Variants in DDAH1 observed in about 807,000 individuals in gnomAD.
DDAH1 encodes dimethylarginine dimethylaminohydrolase 1.
A neutral mutation model predicts 28.8 loss-of-function variants in DDAH1; 19 were observed. The ratio of observed to expected loss-of-function variants is 0.66; its 90% CI spans 0.46 to 0.97. The LOEUF is 0.97. Among genes scored for constraint, DDAH1 ranks in the 50% least tolerant of loss-of-function variants. The probability of loss-of-function intolerance (pLI) is 0.00; values close to 1 mark genes in which losing one functional copy is unlikely to be tolerated. For synonymous variants in DDAH1, 153 were observed against 154.4 expected (o/e 0.99, Z 0.07); for missense variants, 326 against 375.9 (o/e 0.87, Z 1.10).
At chr1:85,358,934 C>A in intron 1 of DDAH1, 87 bp from the exon 2 acceptor site, 1 of 920,604 alleles carries the variant, frequency 1.1e-6, no homozygotes, top group Non-Finnish European at 1.7e-6. Flanking sequence ...CTAAATCAAG[C>A]TCTCGTGCAC....
At chr1:85,435,002 C>T (rs1653869370) in intron 1 of DDAH1, among the ~76,000 whole-genome samples, 1 of 151,994 alleles carries the variant, frequency 6.6e-6, no homozygotes, top group African/African-American at 2.4e-5. Flanking sequence ...TTTTATGTCT[C>T]TAAGTTTTAC....
intron 1 of DDAH1, among the ~76,000 whole-genome samples, chr1:85,376,519 A>T (rs1013482985): frequency 6.6e-6 from 1 of 152,166 alleles, no homozygotes; most frequent in Non-Finnish European, 1.5e-5. Context: ...TCAGGGTACT[A>T]AACGCTTGCC....
intron 1 of DDAH1, among the ~76,000 whole-genome samples, chr1:85,461,653 G>T (rs1570574453): frequency 6.6e-6 from 1 of 152,182 alleles, no homozygotes; most frequent in African/African-American, 2.4e-5. Context: ...CTAAAATAAT[G>T]AGAACACTTG....
intron 1 of DDAH1, among the ~76,000 whole-genome samples, chr1:85,516,308 G>T (rs1264995923): frequency 2.7e-5 from 4 of 147,360 alleles, no homozygotes; most frequent in Admixed American, 6.8e-5. Context: ...CTCATTTCTA[G>T]CTGGACAAAG....
At chr1:85,450,746 C>T (rs1654636054) in intron 1 of DDAH1, among the ~76,000 whole-genome samples, 1 of 152,164 alleles carries the variant, frequency 6.6e-6, no homozygotes, top group African/African-American at 2.4e-5. Context: ...AACTGAGACT[C>T]AATTCCAGGT....
Position 85,350,435 on chromosome 1 carries a change from A to G in DDAH1, c.577T>C (p.Ser193Pro), listed in dbSNP as rs1649133291. ...TTTACCTTAAGGGCCTTCTGTGCAG[A>G]TTCACTAGACCCAATTGCGATCAGG... ...PNLIAIGSSE[S>P]AQKALKIMQQ... The change falls in exon 4 of 6, where the codon TCT becomes CCT. Residue 193 changes from serine (S) to proline (P), a missense_variant. Physicochemically the swap from Ser to Pro is moderately conservative, Grantham distance 74. Coordinates refer to ENST00000284031, the MANE Select transcript of DDAH1 (RefSeq NM_012137.4). The G allele has an allele frequency of 6.2e-7, 1 of 1,613,812 alleles. No individual in the cohort carries two copies. Among genetic ancestry groups the G allele is most frequent in the Admixed American group, 1.7e-5 (1 of 59,954 alleles).
At chr1:85,541,709 G>A (rs920816119) in intron 1 of DDAH1, among the ~76,000 whole-genome samples, 6 of 152,144 alleles carry the variant, frequency 3.9e-5, no homozygotes, top group Admixed American at 2.0e-4. Context: ...CCAATGTGAT[G>A]GTATATGGAG....
intron 1 of DDAH1, among the ~76,000 whole-genome samples, chr1:85,538,251 C>T (rs1486658828): frequency 2.0e-5 from 3 of 152,154 alleles, no homozygotes; most frequent in Non-Finnish European, 4.4e-5. Flanking sequence ...TGAGCTCATT[C>T]AAGGACCCTG....
intron 2 of DDAH1, among the ~76,000 whole-genome samples, chr1:85,486,122 C>G (rs1656196348): frequency 6.6e-6 from 1 of 152,162 alleles, no homozygotes; most frequent in African/African-American, 2.4e-5. Context: ...GAGGTTTGAG[C>G]TGAAAACTCA....
At chr1:85,405,005 G>A (rs1652340430) in intron 1 of DDAH1, among the ~76,000 whole-genome samples, 1 of 152,102 alleles carries the variant, frequency 6.6e-6, no homozygotes, top group Non-Finnish European at 1.5e-5. Flanking sequence ...TCTTCATTCT[G>A]TCATTTTCAA....
At chr1:85,459,647 T>C (rs1368173544) in intron 1 of DDAH1, among the ~76,000 whole-genome samples, 1 of 152,238 alleles carries the variant, frequency 6.6e-6, no homozygotes, top group Non-Finnish European at 1.5e-5. Flanking sequence ...TTTCTAATTA[T>C]GGTTTGGGGC....
intron 1 of DDAH1, chr1:85,521,617 A>G (rs540536990): frequency 5.1e-6 from 5 of 979,104 alleles, no homozygotes; most frequent in East Asian, 1.2e-4. Flanking sequence ...CCATAGACTC[A>G]CTCCTGTATC....
chr1:85,508,100 T>C (rs1476158227), intron 1 of DDAH1, among the ~76,000 whole-genome samples: 1 of 152,230 alleles, frequency 6.6e-6, no homozygotes, highest in Non-Finnish European at 1.5e-5. Flanking sequence ...GACTGCCAGA[T>C]CTTCTCCTTT....
chr1:85,503,599 A>G (rs1656905522), intron 1 of DDAH1, among the ~76,000 whole-genome samples: 1 of 151,940 alleles, frequency 6.6e-6, no homozygotes, highest in African/African-American at 2.4e-5. Context: ...CTATCTATCT[A>G]CTAAGCCCAT....
At chr1:85,369,222 A>ATTT (rs34408053) in intron 1 of DDAH1, among the ~76,000 whole-genome samples, 6 of 133,762 alleles carry the variant, frequency 4.5e-5, no homozygotes, top group Non-Finnish European at 4.8e-5. Context: ...CCAATGGCCA[A>ATTT]TTTTTTTTTT....
intron 1 of DDAH1, among the ~76,000 whole-genome samples, chr1:85,371,173 T>C (rs982603002): frequency 1.3e-5 from 2 of 152,214 alleles, no homozygotes; most frequent in African/African-American, 4.8e-5. Context: ...GTACATTCAT[T>C]ATGATTGCAC....
intron 2 of DDAH1, among the ~76,000 whole-genome samples, chr1:85,470,289 A>G (rs902114593): frequency 2.0e-5 from 3 of 152,248 alleles, no homozygotes; most frequent in Admixed American, 2.0e-4. Context: ...TTACATGGCC[A>G]CAAGGCAAGA....
Position 85,456,852 on chromosome 1 carries a change from C to G in DDAH1, c.303+7891G>C, listed in dbSNP as rs12122482. Among the ~76,000 whole-genome samples, 1,125 of 152,266 alleles carry G rather than the reference C, an allele frequency of 7.4e-3. 9 individuals carry two copies. Among genetic ancestry groups the G allele is most frequent in the Admixed American group, 0.014 (209 of 15,294 alleles). On this transcript the variant is annotated intron_variant, in intron 1 of 5. Transcript: ENST00000284031. ...ATACTGATAACTTACAGGACCCCCC[C>G]ACCCTCCACCACCAAAAAAGTGCCT...
At chr1:85,563,304 C>T (rs1001906826) in intron 1 of DDAH1, among the ~76,000 whole-genome samples, 2 of 152,138 alleles carry the variant, frequency 1.3e-5, no homozygotes, top group Middle Eastern at 3.2e-3. Flanking sequence ...AGAAATTATC[C>T]CAGGCTGGGG....
Sources: gnomAD v4.1 joint callset for allele counts (sites outside exome capture counted in the v4.1 genomes callset) on GRCh38, gnomAD v4.1.1 for gene constraint, MANE v1.5 for transcripts, NCBI Gene and HGNC (gene_info 2026-07-23, HGNC 2026-07-21) for gene names.